EPS15: variants seen among roughly 807,000 people sequenced by gnomAD.
The protein encoded by EPS15 is epidermal growth factor receptor substrate 15.
In EPS15, 72 loss-of-function variants were observed where a neutral mutation model predicts 113.8. The ratio of observed to expected loss-of-function variants is 0.63; its 90% CI spans 0.52 to 0.77. EPS15 has a LOEUF of 0.77. Ranked by LOEUF, EPS15 falls within the 30% of genes least tolerant of loss-of-function variation. The probability of loss-of-function intolerance (pLI) is 0.00; values close to 1 mark genes in which losing one functional copy is unlikely to be tolerated. For missense variants in EPS15, 1,048 were observed against 1,045.8 expected (o/e 1.00, Z -0.03); for synonymous variants, 344 against 363.4 (o/e 0.95, Z 0.61).
Position 51,474,579 on chromosome 1 carries a change from T to C in EPS15, c.76-1631A>G, listed in dbSNP as rs71651197. ...TTACTTGGAATACTGTTGGTATTAT[T>C]TTAATGTTCTATTTTCTAATAGCTA... is the stretch of plus-strand genomic sequence containing the variant. On this transcript the variant is annotated intron_variant, in intron 2 of 24. Transcript: ENST00000371733. 8.1e-3 allele frequency among the ~76,000 whole-genome samples: 1,229 copies of C among 152,318 alleles called. 10 individuals are homozygous for C. Among genetic ancestry groups the C allele is most frequent in the Admixed American group, 0.018 (271 of 15,284 alleles).
chr1:51,422,481 A>G (rs1650850210), intron 12 of EPS15, among the ~76,000 whole-genome samples: 1 of 152,272 alleles, frequency 6.6e-6, no homozygotes, highest in Admixed American at 6.5e-5. Flanking sequence ...CAAACAGTAT[A>G]TATAAAGTAA....
intron 22 of EPS15, among the ~76,000 whole-genome samples, chr1:51,364,335 AT>A (rs920333893): frequency 7.9e-5 from 12 of 152,150 alleles, no homozygotes; most frequent in African/African-American, 2.9e-4. Flanking sequence ...CCTGAGGCCC[AT>A]TTTAAAGGGA....
chr1:51,478,400 T>C (rs1336704712), intron 2 of EPS15, among the ~76,000 whole-genome samples: 1 of 152,216 alleles, frequency 6.6e-6, no homozygotes, highest in Admixed American at 6.5e-5. Flanking sequence ...GGGTCTTGCC[T>C]CTTTATCCAG....
At chr1:51,415,473 A>C (rs891494741) in intron 13 of EPS15, among the ~76,000 whole-genome samples, 1 of 152,070 alleles carries the variant, frequency 6.6e-6, no homozygotes, top group Non-Finnish European at 1.5e-5. Context: ...ATGTCTCTCT[A>C]TGTCTATTTC....
At chr1:51,422,048 A>C (rs1650809521) in intron 12 of EPS15, 190 bp from the exon 13 acceptor site, 3 of 1,231,444 alleles carry the variant, frequency 2.4e-6, no homozygotes, top group Non-Finnish European at 2.0e-6. Context: ...TCCATTTGTA[A>C]AAAAAAAATT....
chr1:51,446,754 G>A (rs561682376), intron 10 of EPS15, among the ~76,000 whole-genome samples: 23 of 152,068 alleles, frequency 1.5e-4, no homozygotes, highest in African/African-American at 4.8e-4. Flanking sequence ...CATGCCCAGC[G>A]GATGCTGTCA....
At chr1:51,391,980 G>C (rs1403158134) in intron 21 of EPS15, among the ~76,000 whole-genome samples, 1 of 152,134 alleles carries the variant, frequency 6.6e-6, no homozygotes, top group African/African-American at 2.4e-5. Flanking sequence ...AAAGAGATGT[G>C]ACTAGAGATA....
At chr1:51,501,316 G>A (rs1210919875) in intron 1 of EPS15, among the ~76,000 whole-genome samples, 1 of 151,798 alleles carries the variant, frequency 6.6e-6, no homozygotes, top group African/African-American at 2.4e-5. Flanking sequence ...GCTGAGGAAG[G>A]AGAATTGCTT....
intron 12 of EPS15, chr1:51,422,060 C>T: frequency 1.6e-6 from 2 of 1,222,432 alleles, no homozygotes; most frequent in Non-Finnish European, 2.1e-6. Context: ...AAAAAAATTG[C>T]TTTCTCACTA....
At chr1:51,425,606 G>C (rs981619183) in intron 12 of EPS15, among the ~76,000 whole-genome samples, 1 of 152,166 alleles carries the variant, frequency 6.6e-6, no homozygotes, top group Non-Finnish European at 1.5e-5. Context: ...TTCTCTTGGA[G>C]TACATTTCAC....
chr1:51,368,725 G>A (rs1438223167), intron 21 of EPS15, among the ~76,000 whole-genome samples: 3 of 151,546 alleles, frequency 2.0e-5, no homozygotes, highest in Non-Finnish European at 4.4e-5. Context: ...AGCCTCCCAC[G>A]TAGCTGGGAA....
intron 12 of EPS15, among the ~76,000 whole-genome samples, chr1:51,426,246 G>A (rs907294408): frequency 2.6e-5 from 4 of 151,308 alleles, no homozygotes; most frequent in Non-Finnish European, 5.9e-5. Context: ...TACTCATATA[G>A]TTCAAACAGA....
chr1:51,433,286 G>A (rs1049157647), intron 12 of EPS15, among the ~76,000 whole-genome samples: 1 of 152,222 alleles, frequency 6.6e-6, no homozygotes, highest in Non-Finnish European at 1.5e-5. Flanking sequence ...GCTGAACTCG[G>A]TGTTGGGGAT....
chr1:51,495,386 G>A (rs1644308195), intron 1 of EPS15, among the ~76,000 whole-genome samples: 1 of 150,944 alleles, frequency 6.6e-6, no homozygotes, highest in Admixed American at 6.6e-5. Context: ...TGTAGAGTAA[G>A]AGTTTTACAG....
chr1:51,368,886 G>T (rs1237936058), intron 21 of EPS15, among the ~76,000 whole-genome samples: 2 of 152,190 alleles, frequency 1.3e-5, no homozygotes, highest in Admixed American at 1.3e-4. Context: ...TATAGGCCAC[G>T]TGCCCGGCTC....
chr1:51,514,997 T>C (rs1644689184), intron 1 of EPS15, among the ~76,000 whole-genome samples: 1 of 152,246 alleles, frequency 6.6e-6, no homozygotes, highest in African/African-American at 2.4e-5. Flanking sequence ...CTGTATTTAC[T>C]GTCATAATTG....
At chr1:51,367,774 A>C (rs1039126584) in intron 21 of EPS15, among the ~76,000 whole-genome samples, 50 of 152,332 alleles carry the variant, frequency 3.3e-4, no homozygotes, top group African/African-American at 1.1e-3. Flanking sequence ...AAACAAAGCA[A>C]ACAGTTGGAA....
At chr1:51,440,307 G>GTA in intron 12 of EPS15, 40 bp downstream of exon 12, 1 of 728,098 alleles carries the variant, frequency 1.4e-6, no homozygotes, top group East Asian at 2.5e-5. Flanking sequence ...GTGTGTGTGT[G>GTA]TGTGTGTATG....
At chr1:51,390,331 C>T (rs1396684748) in intron 21 of EPS15, among the ~76,000 whole-genome samples, 2 of 152,046 alleles carry the variant, frequency 1.3e-5, no homozygotes, top group Admixed American at 6.6e-5. Context: ...GGATTAAAGA[C>T]TTAAACGTTA....
Sources: gnomAD v4.1 joint callset for allele counts (sites outside exome capture counted in the v4.1 genomes callset) on GRCh38, gnomAD v4.1.1 for gene constraint, MANE v1.5 for transcripts, NCBI Gene and HGNC (gene_info 2026-07-23, HGNC 2026-07-21) for gene names.